Variants in TMEM266 observed in about 807,000 individuals in gnomAD.
The protein encoded by TMEM266 is Hv1 related protein 1.
A neutral mutation model predicts 50.5 loss-of-function variants in TMEM266; 33 were observed. That is an observed-to-expected ratio of 0.65 (90% CI 0.50 to 0.87). The LOEUF is 0.87. Among genes scored for constraint, TMEM266 ranks in the 40% least tolerant of loss-of-function variants. TMEM266 has a pLI of 0.00. For missense variants in TMEM266, 655 were observed against 695.1 expected, an observed-to-expected ratio of 0.94 and a Z score of 0.65; for synonymous variants, 310 against 292.3, an observed-to-expected ratio of 1.06 and a Z score of -0.62.
intron 1 of TMEM266, among the ~76,000 whole-genome samples, chr15:76,131,809 G>A (rs752623231): frequency 6.6e-6 from 1 of 152,088 alleles, no homozygotes; most frequent in Non-Finnish European, 1.5e-5. Context: ...ACAAACATCT[G>A]GTGTGGATAT....
At chr15:76,152,079 A>G (rs1001722174) in intron 3 of TMEM266, among the ~76,000 whole-genome samples, 32 of 152,224 alleles carry the variant, frequency 2.1e-4, no homozygotes, top group African/African-American at 7.5e-4. Context: ...TCCCACCCCC[A>G]GTCTCCATGG....
rs996532219 is a variant in TMEM266, at chr15:76,091,394, C to T, written c.-97+31378C>T. On this transcript the variant is annotated intron_variant, in intron 1 of 10. Coordinates refer to ENST00000388942, the MANE Select transcript of TMEM266 (RefSeq NM_152335.3). ...CACAGAGTAATGTGTCTTAAATTGA[C>T]AGTTTAAGGGCCGGGAGTGGTGGCC... Among the ~76,000 whole-genome samples the T allele has an allele frequency of 4.0e-5, 6 of 151,294 alleles. 1 individual carries two copies. The highest frequency in any genetic ancestry group is 5.9e-5 in the Non-Finnish European group (4 of 67,608).
At chr15:76,175,133 A>C (rs2038253427) in intron 7 of TMEM266, 1 of 158,054 alleles carries the variant, frequency 6.3e-6, no homozygotes, top group Non-Finnish European at 1.4e-5. Context: ...CCTTTCCGCC[A>C]GTGTGTGCAG....
chr15:76,062,562 A>G (rs1304615945), intron 1 of TMEM266, among the ~76,000 whole-genome samples: 7 of 152,198 alleles, frequency 4.6e-5, no homozygotes. Context: ...ACTGGGCAAG[A>G]AGCAGAAAGC....
intron 1 of TMEM266, among the ~76,000 whole-genome samples, chr15:76,121,898 C>G (rs1320435189): frequency 7.9e-5 from 12 of 152,338 alleles, no homozygotes; most frequent in South Asian, 2.1e-4. Flanking sequence ...TACTACTACC[C>G]CATGAGTTTT....
At chr15:76,178,450 A>T (rs2038333356) in intron 8 of TMEM266, 1 of 152,320 alleles carries the variant, frequency 6.6e-6, no homozygotes. Context: ...GCAGTTGGCA[A>T]CGTGAAAGAC....
chr15:76,159,872 G>A (rs963835440), intron 4 of TMEM266, among the ~76,000 whole-genome samples: 3 of 151,770 alleles, frequency 2.0e-5, no homozygotes, highest in South Asian at 4.2e-4. Flanking sequence ...CCCTTGCGTC[G>A]GAGGCAAGAA....
In TMEM266 at chr15:76,202,313, C is replaced by T. The variant is rs1345492515; in HGVS notation, c.1021+49C>T. 5.2e-6 allele frequency: 8 copies of T among 1,535,378 alleles called. No individual in the cohort carries two copies. The Admixed American group carries it at 1.1e-4, about 21-fold the overall frequency. ...TACATGTGCCACAACCCCAGCAATC[C>T]CTAAACCCAGAGACAACTCGGCCTG... On this transcript the variant is annotated intron_variant, in intron 10 of 10. Transcript: ENST00000388942.
chr15:76,151,129 C>G (rs2037836755), intron 3 of TMEM266, among the ~76,000 whole-genome samples: 1 of 152,200 alleles, frequency 6.6e-6, no homozygotes, highest in Non-Finnish European at 1.5e-5. Context: ...AACGCCTGCC[C>G]TCTCGTGGCA....
chr15:76,061,145 T>C (rs967421353), intron 1 of TMEM266, among the ~76,000 whole-genome samples: 2 of 152,134 alleles, frequency 1.3e-5, no homozygotes, highest in Non-Finnish European at 2.9e-5. Context: ...ATGAAAAGAA[T>C]AGTAAGAGCT....
At chr15:76,173,927 G>A (rs1425116481) in intron 7 of TMEM266, among the ~76,000 whole-genome samples, 2 of 147,698 alleles carry the variant, frequency 1.4e-5, no homozygotes, top group South Asian at 2.1e-4. Flanking sequence ...GGTGAGACTC[G>A]GTCTCAAAAA....
rs1596178303 is a variant in TMEM266 at position 76,203,902 on chromosome 15, A to C, written c.1183A>C (p.Thr395Pro). ...GGAGAGTGCCTCCCGCAGCTCAGTC[A>C]CCCGGGCCCAGAGTGACAGCAGCCA... Residue 395 changes from threonine (T) to proline (P), a missense_variant, in exon 11 of 11, where the codon ACC becomes CCC. By Grantham distance (38) the Thr-to-Pro change is conservative (BLOSUM62 -1). Coordinates refer to ENST00000388942, the MANE Select transcript of TMEM266 (RefSeq NM_152335.3). 6.2e-7 allele frequency: 1 copy of C among 1,614,002 alleles called. No homozygotes were observed. Among genetic ancestry groups the C allele is most frequent in the Non-Finnish European group, 8.5e-7 (1 of 1,179,996 alleles).
intron 8 of TMEM266, among the ~76,000 whole-genome samples, chr15:76,178,335 A>G (rs2038330579): frequency 6.6e-6 from 1 of 152,106 alleles, no homozygotes; most frequent in Non-Finnish European, 1.5e-5. Flanking sequence ...GGCTGCAGGG[A>G]AGTGGGGAAA....
intron 1 of TMEM266, among the ~76,000 whole-genome samples, chr15:76,095,668 G>A (rs949895201): frequency 6.6e-6 from 1 of 151,938 alleles, no homozygotes; most frequent in Non-Finnish European, 1.5e-5. Flanking sequence ...TCTATTGATC[G>A]GAATAGTTTC....
chr15:76,167,104 T>A (rs1035554215), intron 5 of TMEM266, among the ~76,000 whole-genome samples: 1 of 152,196 alleles, frequency 6.6e-6, no homozygotes, highest in African/African-American at 2.4e-5. Flanking sequence ...TAGATATGGC[T>A]ATTGTAGCAT....
intron 1 of TMEM266, among the ~76,000 whole-genome samples, 171 bp downstream of exon 1, chr15:76,060,187 G>A (rs949839408): frequency 8.6e-5 from 13 of 151,986 alleles, no homozygotes; most frequent in African/African-American, 3.1e-4. Context: ...GCCAGGCGAG[G>A]GTGCGTGGGG....
intron 1 of TMEM266, among the ~76,000 whole-genome samples, chr15:76,082,929 A>G (rs1332111199): frequency 6.6e-6 from 1 of 152,030 alleles, no homozygotes; most frequent in Non-Finnish European, 1.5e-5. Flanking sequence ...AGATCGCACC[A>G]TTGCACTCCA....
At chr15:76,106,487 T>C (rs527879266) in intron 1 of TMEM266, among the ~76,000 whole-genome samples, 36 of 152,234 alleles carry the variant, frequency 2.4e-4, no homozygotes, top group Non-Finnish European at 4.3e-4. Flanking sequence ...CACCCAGAGC[T>C]GGAGTGCAGT....
intron 4 of TMEM266, among the ~76,000 whole-genome samples, chr15:76,157,230 A>C (rs191925608): frequency 6.6e-6 from 1 of 152,320 alleles, no homozygotes; most frequent in East Asian, 1.9e-4. Flanking sequence ...TGGCAGTGTG[A>C]TTTATACGTA....
Sources: gnomAD v4.1 joint callset for allele counts (sites outside exome capture counted in the v4.1 genomes callset) on GRCh38, gnomAD v4.1.1 for gene constraint, MANE v1.5 for transcripts, NCBI Gene and HGNC (gene_info 2026-07-23, HGNC 2026-07-21) for gene names.